Variants in CPA6 observed in about 807,000 individuals in gnomAD.
CPA6 encodes carboxypeptidase A6, also known as carboxypeptidase B.
A neutral mutation model predicts 63.3 loss-of-function variants in CPA6; 58 were observed. The observed-to-expected ratio is 0.92, with a 90% confidence interval of 0.74 to 1.14. CPA6 has a LOEUF of 1.14. Ranked by LOEUF, CPA6 falls within the 50% of genes most tolerant of loss-of-function variation. The probability of loss-of-function intolerance (pLI) is 0.00; values close to 1 mark genes in which losing one functional copy is unlikely to be tolerated. For synonymous variants in CPA6, 185 were observed against 179.0 expected, an observed-to-expected ratio of 1.03 and a Z score of -0.27; for missense variants, 565 against 526.6, an observed-to-expected ratio of 1.07 and a Z score of -0.71.
chr8:67,683,387 C>T (rs774813092), intron 1 of CPA6, among the ~76,000 whole-genome samples: 1 of 152,154 alleles, frequency 6.6e-6, no homozygotes, highest in Admixed American at 6.5e-5. Context: ...TATCTATTCT[C>T]CCTATCCTCA....
chr8:67,617,487 A>G (rs1473849959), intron 2 of CPA6, among the ~76,000 whole-genome samples: 1 of 152,236 alleles, frequency 6.6e-6, no homozygotes, highest in East Asian at 1.9e-4. Context: ...ACAAAAAAGT[A>G]GAAATGTAAC....
intron 1 of CPA6, among the ~76,000 whole-genome samples, chr8:67,641,532 T>C (rs533561151): frequency 6.6e-6 from 1 of 152,356 alleles, no homozygotes; most frequent in East Asian, 1.9e-4. Flanking sequence ...TTAAAAATTA[T>C]TGAAAGTGCA....
chr8:67,476,450 T>C (rs1811239314), intron 8 of CPA6, among the ~76,000 whole-genome samples: 1 of 152,148 alleles, frequency 6.6e-6, no homozygotes, highest in African/African-American at 2.4e-5. Context: ...ATTCAAACTA[T>C]TAGCATGGTA....
chr8:67,494,953 T>C (rs1475171524), intron 6 of CPA6, among the ~76,000 whole-genome samples: 1 of 152,196 alleles, frequency 6.6e-6, no homozygotes, highest in Non-Finnish European at 1.5e-5. Flanking sequence ...CTTTCACCTC[T>C]TATCAAACAG....
Position 67,496,629 on chromosome 8 carries a change from T to C in CPA6, c.636+10158A>G, listed in dbSNP as rs545643880. ...AGGCTAGAGTGCAGTGGCACAATCT[T>C]GGCAGATTGCAACCTCCGCCTCCCC... is the stretch of plus-strand genomic sequence containing the variant. On this transcript the variant is annotated intron_variant, in intron 6 of 10. Transcript: ENST00000297770. Among the ~76,000 whole-genome samples, 7 of 149,610 alleles carry C rather than the reference T, an allele frequency of 4.7e-5. No homozygotes were observed. The South Asian group carries it at 1.3e-3, about 27-fold the overall frequency.
At chr8:67,713,095 GTGTGTATATATATATATATATA>G (rs1311031713) in intron 1 of CPA6, among the ~76,000 whole-genome samples, 22 of 86,364 alleles carry the variant, frequency 2.5e-4, no homozygotes, top group East Asian at 1.5e-3. Context: ...GTGTGTGTGT[GTGTGTATATATATATATATATA>G]TATATATATA....
intron 2 of CPA6, among the ~76,000 whole-genome samples, chr8:67,529,385 A>G (rs1347375510): frequency 6.6e-6 from 1 of 152,182 alleles, no homozygotes; most frequent in Non-Finnish European, 1.5e-5. Flanking sequence ...AAGAAAAGCA[A>G]GTTGATTAGC....
chr8:67,695,934 G>A (rs1322970197), intron 1 of CPA6, among the ~76,000 whole-genome samples: 1 of 152,146 alleles, frequency 6.6e-6, no homozygotes, highest in Non-Finnish European at 1.5e-5. Flanking sequence ...CTGGCTTAGA[G>A]GTGATAGTTC....
intron 1 of CPA6, among the ~76,000 whole-genome samples, chr8:67,715,093 T>C (rs1009579431): frequency 6.6e-6 from 1 of 152,070 alleles, no homozygotes; most frequent in African/African-American, 2.4e-5. Flanking sequence ...TGGTTTTTGT[T>C]TTTTTTTCCC....
At chr8:67,544,344 A>G (rs1318075558) in intron 2 of CPA6, among the ~76,000 whole-genome samples, 1 of 152,214 alleles carries the variant, frequency 6.6e-6, no homozygotes, top group Non-Finnish European at 1.5e-5. Flanking sequence ...GCTTCCGTGG[A>G]TGCTAAGCTG....
At chr8:67,527,228 C>T (rs1165283826) in intron 2 of CPA6, among the ~76,000 whole-genome samples, 1 of 152,202 alleles carries the variant, frequency 6.6e-6, no homozygotes, top group Admixed American at 6.5e-5. Flanking sequence ...TTGGTGTTCT[C>T]AACAACAGTA....
intron 1 of CPA6, among the ~76,000 whole-genome samples, chr8:67,725,260 A>T (rs1417531889): frequency 6.6e-6 from 1 of 152,222 alleles, no homozygotes; most frequent in Non-Finnish European, 1.5e-5. Flanking sequence ...GGGCTTCACA[A>T]AACAGGTGCT....
intron 5 of CPA6, among the ~76,000 whole-genome samples, chr8:67,508,257 GA>G (rs1391121869): frequency 6.6e-6 from 1 of 151,876 alleles, no homozygotes; most frequent in Non-Finnish European, 1.5e-5. Flanking sequence ...ATATTCAGAA[GA>G]AAAAATGGTC....
At chr8:67,546,901 G>A (rs948142950) in intron 2 of CPA6, among the ~76,000 whole-genome samples, 46 of 152,018 alleles carry the variant, frequency 3.0e-4, no homozygotes, top group African/African-American at 1.0e-3. Flanking sequence ...TACAGCTCAC[G>A]GTGGCCTCCA....
chr8:67,585,694 G>A (rs141808918), intron 2 of CPA6, among the ~76,000 whole-genome samples: 27 of 152,218 alleles, frequency 1.8e-4, no homozygotes, highest in Admixed American at 5.9e-4. Flanking sequence ...GTAAAGGAAG[G>A]TTTGATATGT....
intron 2 of CPA6, among the ~76,000 whole-genome samples, chr8:67,561,931 A>T (rs1006330961): frequency 9.2e-5 from 14 of 152,204 alleles, no homozygotes; most frequent in Non-Finnish European, 4.4e-5. Context: ...CTTCTATATA[A>T]TGAAAGAAGG....
intron 2 of CPA6, among the ~76,000 whole-genome samples, chr8:67,623,291 C>G (rs1329349799): frequency 1.3e-5 from 2 of 152,196 alleles, no homozygotes; most frequent in African/African-American, 4.8e-5. Context: ...ACTTCTAGGA[C>G]ATTCCAGACA....
chr8:67,677,546 T>A (rs1213998958), intron 1 of CPA6, among the ~76,000 whole-genome samples: 3 of 152,098 alleles, frequency 2.0e-5, no homozygotes, highest in African/African-American at 7.2e-5. Flanking sequence ...AACTCACAAA[T>A]GAATGTTTAG....
chr8:67,507,628 A>C (rs186716006), intron 5 of CPA6, among the ~76,000 whole-genome samples: 186 of 152,272 alleles, frequency 1.2e-3, no homozygotes, highest in Middle Eastern at 3.4e-3. Flanking sequence ...TCAGTACTGG[A>C]GATTCAAACA....
Sources: allele counts gnomAD v4.1 joint callset (sites outside exome capture counted in the v4.1 genomes callset), GRCh38; gene constraint gnomAD v4.1.1; transcripts MANE v1.5; gene names NCBI Gene and HGNC (gene_info 2026-07-23, HGNC 2026-07-21).